Variants in WWOX observed in about 807,000 individuals in gnomAD.
WWOX encodes WW domain containing oxidoreductase, also known as WW domain-containing oxidoreductase.
Under a neutral mutation model 46.2 loss-of-function variants are expected in WWOX, and 69 were observed. The observed-to-expected ratio is 1.49, with a 90% CI of 1.23 to 1.82. WWOX has a LOEUF of 1.82. WWOX is among the 40% of genes most tolerant of loss of function. WWOX has a pLI of 0.00. For synonymous variants in WWOX, 359 were observed against 202.6 expected (o/e 1.77, Z -6.56); for missense variants, 919 against 542.6 (o/e 1.69, Z -6.89).
chr16:78,726,390 G>C (rs139720282), intron 8 of WWOX, among the ~76,000 whole-genome samples: 2 of 151,846 alleles, frequency 1.3e-5, no homozygotes, highest in African/African-American at 4.8e-5. Context: ...CACACGTGGC[G>C]TATTTTTAAA....
chr16:78,862,802 G>T (rs767426089), intron 8 of WWOX, among the ~76,000 whole-genome samples: 1 of 152,080 alleles, frequency 6.6e-6, no homozygotes, highest in African/African-American at 2.4e-5. Flanking sequence ...ACACTGGGAA[G>T]GGCAGTCTGC....
chr16:78,409,472 C>G (rs571507277), intron 6 of WWOX, among the ~76,000 whole-genome samples: 1 of 152,146 alleles, frequency 6.6e-6, no homozygotes, highest in Non-Finnish European at 1.5e-5. Flanking sequence ...TTCTGGGTGT[C>G]GCTTTTGGAG....
intron 8 of WWOX, among the ~76,000 whole-genome samples, chr16:78,955,991 C>CAA (rs35717909): frequency 1.4e-5 from 2 of 147,876 alleles, no homozygotes; most frequent in Admixed American, 6.7e-5. Flanking sequence ...AAACAAAAAA[C>CAA]AAAAAAAAAC....
chr16:78,733,533 G>C (rs2049013804), intron 8 of WWOX, among the ~76,000 whole-genome samples: 1 of 151,214 alleles, frequency 6.6e-6, no homozygotes, highest in Non-Finnish European at 1.5e-5. Flanking sequence ...GGATCACGAG[G>C]TCAGGAGATC....
chr16:79,174,919 C>A (rs2050770592), intron 8 of WWOX, among the ~76,000 whole-genome samples: 1 of 152,154 alleles, frequency 6.6e-6, no homozygotes. Context: ...AAAATGTATT[C>A]CATCTAATAT....
At chr16:78,570,411 C>G (rs117298751) in intron 8 of WWOX, among the ~76,000 whole-genome samples, 37 of 152,266 alleles carry the variant, frequency 2.4e-4, no homozygotes, top group Middle Eastern at 3.4e-3. Context: ...TGGGCTGAAG[C>G]GATCCTCATG....
chr16:78,499,454 C>T (rs1030924441), intron 8 of WWOX, among the ~76,000 whole-genome samples: 1 of 152,188 alleles, frequency 6.6e-6, no homozygotes, highest in Non-Finnish European at 1.5e-5. Flanking sequence ...CATAGCTAAC[C>T]TTTCTAAGTG....
intron 8 of WWOX, among the ~76,000 whole-genome samples, chr16:78,765,289 G>C (rs1366273074): frequency 6.6e-6 from 1 of 152,262 alleles, no homozygotes; most frequent in Non-Finnish European, 1.5e-5. Context: ...GATGGGCTTA[G>C]GGACAGTGAT....
chr16:78,860,814 G>C (rs2043866287), intron 8 of WWOX, among the ~76,000 whole-genome samples: 1 of 152,068 alleles, frequency 6.6e-6, no homozygotes, highest in African/African-American at 2.4e-5. Context: ...TCAGGCTATA[G>C]GGAGGATTTC....
intron 8 of WWOX, among the ~76,000 whole-genome samples, chr16:78,945,430 G>T (rs1474234138): frequency 6.6e-6 from 1 of 152,182 alleles, no homozygotes; most frequent in African/African-American, 2.4e-5. Flanking sequence ...GTATCAAAAA[G>T]ATCAAAATCA....
intron 5 of WWOX, among the ~76,000 whole-genome samples, chr16:78,262,097 CAAAAAAAAAA>C (rs752161345): frequency 1.6e-5 from 1 of 62,610 alleles, no homozygotes; most frequent in African/African-American, 6.6e-5. Context: ...GAAACTCTGT[CAAAAAAAAAA>C]AAAAAAAAAA....
intron 8 of WWOX, among the ~76,000 whole-genome samples, chr16:78,880,199 A>T (rs773932519): frequency 6.6e-6 from 1 of 152,212 alleles, no homozygotes; most frequent in Non-Finnish European, 1.5e-5. Context: ...CCAAACGAAG[A>T]TATCTTTGCT....
chr16:78,513,741 A>C (rs1027469670), intron 8 of WWOX, among the ~76,000 whole-genome samples: 3 of 152,224 alleles, frequency 2.0e-5, no homozygotes, highest in Admixed American at 6.5e-5. Context: ...TAAATGTCTC[A>C]TATACCCCTC....
chr16:79,069,898 A>G lies in WWOX; in HGVS notation c.1057-141710A>G, dbSNP rs551381452. Among the ~76,000 whole-genome samples, 185 of 152,212 alleles carry G rather than the reference A, an allele frequency of 1.2e-3. 1 individual carries two copies. Among genetic ancestry groups the G allele is most frequent in the Admixed American group, 4.8e-3 (74 of 15,294 alleles). On this transcript the variant is annotated intron_variant, in intron 8 of 8. Coordinates refer to ENST00000566780, the MANE Select transcript of WWOX (RefSeq NM_016373.4). ...CTCATTGAAAAACACCTTGTTTCAAATTTTTTCCCCCTCTATGACCAAAAA... is the reference window on the plus strand; with the variant it reads ...CTCATTGAAAAACACCTTGTTTCAAGTTTTTTCCCCCTCTATGACCAAAAA...
intron 4 of WWOX, among the ~76,000 whole-genome samples, chr16:78,157,453 T>C (rs1200974273): frequency 6.6e-6 from 1 of 152,186 alleles, no homozygotes; most frequent in Non-Finnish European, 1.5e-5. Context: ...GAGATTATTG[T>C]CGTCTTGCTT....
At chr16:78,556,671 C>G (rs149034321) in intron 8 of WWOX, among the ~76,000 whole-genome samples, 2 of 152,204 alleles carry the variant, frequency 1.3e-5, no homozygotes, top group East Asian at 1.9e-4. Flanking sequence ...CACAACACTG[C>G]TTTGTATTTG....
intron 8 of WWOX, among the ~76,000 whole-genome samples, chr16:78,923,368 G>C (rs1417145406): frequency 1.3e-5 from 2 of 151,948 alleles, no homozygotes; most frequent in African/African-American, 2.4e-5. Flanking sequence ...ATTATTTCTA[G>C]TTCAGATCAT....
chr16:78,577,779 A>T (rs770569062), intron 8 of WWOX, among the ~76,000 whole-genome samples: 4 of 152,236 alleles, frequency 2.6e-5, no homozygotes, highest in African/African-American at 9.6e-5. Flanking sequence ...TTTGCGAACG[A>T]TCTGTTGCTA....
chr16:78,322,374 G>A (rs958296686), intron 5 of WWOX, among the ~76,000 whole-genome samples: 4 of 152,168 alleles, frequency 2.6e-5, no homozygotes, highest in Admixed American at 2.0e-4. Flanking sequence ...TTTTTCTTAA[G>A]GAAATAGTAT....
Sources: gnomAD v4.1 joint callset for allele counts (sites outside exome capture counted in the v4.1 genomes callset) on GRCh38, gnomAD v4.1.1 for gene constraint, MANE v1.5 for transcripts, NCBI Gene and HGNC (gene_info 2026-07-23, HGNC 2026-07-21) for gene names.